DNMBP: variants seen among roughly 807,000 people sequenced by gnomAD.
The protein encoded by DNMBP is dynamin-binding protein.
In DNMBP, 87 loss-of-function variants were observed where a neutral mutation model predicts 150.0. The ratio of observed to expected loss-of-function variants is 0.58; its 90% CI spans 0.49 to 0.69. The LOEUF is 0.69. Among genes scored for constraint, DNMBP ranks in the 30% least tolerant of loss-of-function variants. DNMBP has a pLI of 0.00. For synonymous variants in DNMBP, 711 were observed against 750.4 expected (o/e 0.95, Z 0.86); for missense variants, 1,774 against 1,949.0 (o/e 0.91, Z 1.69).
At chr10:99,930,105 G>C in intron 4 of DNMBP, 3 of 702,900 alleles carry the variant, frequency 4.3e-6, no homozygotes, top group Non-Finnish European at 5.2e-6. Context: ...ATTCGAATCT[G>C]AAAAGCTCAC....
At chr10:99,886,268 T>A (rs770301205) in intron 13 of DNMBP, 32 bp downstream of exon 13, 4 of 1,561,632 alleles carry the variant, frequency 2.6e-6, no homozygotes, top group Non-Finnish European at 3.5e-6. Flanking sequence ...AGGCTATAGA[T>A]GACCATCCCA....
intron 1 of DNMBP, among the ~76,000 whole-genome samples, chr10:99,988,548 C>G (rs554308702): frequency 6.6e-6 from 1 of 152,282 alleles, no homozygotes; most frequent in South Asian, 2.1e-4. Context: ...TTCATACTAG[C>G]AACACTGAAA....
intron 3 of DNMBP, among the ~76,000 whole-genome samples, chr10:99,968,832 G>T (rs2040646513): frequency 6.6e-6 from 1 of 152,072 alleles, no homozygotes; most frequent in Non-Finnish European, 1.5e-5. Context: ...AACAGTCTTT[G>T]AATTTTGCTC....
At chr10:99,904,643 C>G (rs2039797586) in intron 6 of DNMBP, among the ~76,000 whole-genome samples, 1 of 152,174 alleles carries the variant, frequency 6.6e-6, no homozygotes, top group Admixed American at 6.5e-5. Context: ...CATCCCTCCT[C>G]TAAAAATTAG....
chr10:99,984,545 G>A (rs1349612286), intron 1 of DNMBP, among the ~76,000 whole-genome samples: 3 of 152,154 alleles, frequency 2.0e-5, no homozygotes, highest in Non-Finnish European at 2.9e-5. Flanking sequence ...GTAAAAACAC[G>A]CAGTTTTTAA....
intron 1 of DNMBP, among the ~76,000 whole-genome samples, chr10:99,987,144 G>C (rs1457268482): frequency 4.5e-5 from 6 of 132,474 alleles, no homozygotes; most frequent in Non-Finnish European, 9.4e-5. Context: ...GACAGAGCAA[G>C]ACTCCATCTC....
At chr10:99,942,636 G>A (rs1272962583) in intron 4 of DNMBP, among the ~76,000 whole-genome samples, 4 of 152,290 alleles carry the variant, frequency 2.6e-5, no homozygotes, top group Middle Eastern at 3.4e-3. Context: ...CTGAGAGTGC[G>A]AAAATGTTCA....
chr10:99,972,346 T>C (rs2040687675), intron 1 of DNMBP, among the ~76,000 whole-genome samples: 2 of 152,204 alleles, frequency 1.3e-5, no homozygotes, highest in South Asian at 2.1e-4. Flanking sequence ...CATGGCTCAC[T>C]GTAGCCTCGA....
intron 16 of DNMBP, among the ~76,000 whole-genome samples, chr10:99,878,711 G>A (rs535151700): frequency 4.6e-5 from 7 of 152,252 alleles, no homozygotes; most frequent in South Asian, 4.1e-4. Context: ...AGATGAGCTC[G>A]CAGACAAACC....
At chr10:99,945,444 T>G (rs1263843321) in intron 4 of DNMBP, among the ~76,000 whole-genome samples, 1 of 152,238 alleles carries the variant, frequency 6.6e-6, no homozygotes, top group Non-Finnish European at 1.5e-5. Flanking sequence ...GTAATACATG[T>G]GTTTAGAAGA....
At chr10:99,998,299 C>T (rs1191805335) in intron 1 of DNMBP, among the ~76,000 whole-genome samples, 1 of 150,708 alleles carries the variant, frequency 6.6e-6, no homozygotes, top group Admixed American at 6.6e-5. Flanking sequence ...CATTAACGGC[C>T]GGGCGCAGTG....
At chr10:100,003,719 CTTATAAAAATAT>C (rs1364320075) in intron 1 of DNMBP, among the ~76,000 whole-genome samples, 2 of 151,832 alleles carry the variant, frequency 1.3e-5, no homozygotes, top group Non-Finnish European at 2.9e-5. Flanking sequence ...CAACAAAAAA[CTTATAAAAATAT>C]TTAGCTGGGT....
chr10:99,878,271 G>A (rs1341455672), intron 16 of DNMBP, among the ~76,000 whole-genome samples: 1 of 152,204 alleles, frequency 6.6e-6, no homozygotes, highest in Non-Finnish European at 1.5e-5. Flanking sequence ...ATGATCTAAT[G>A]CCCATGGAAG....
chr10:100,006,727 A>C, intron 1 of DNMBP, among the ~76,000 whole-genome samples: 2 of 133,422 alleles, frequency 1.5e-5, no homozygotes, highest in East Asian at 2.2e-4. Flanking sequence ...TGACCTTGCC[A>C]CCCCTAACAT....
At chr10:99,944,407 C>G (rs763233830) in intron 4 of DNMBP, among the ~76,000 whole-genome samples, 2 of 152,152 alleles carry the variant, frequency 1.3e-5, no homozygotes, top group Non-Finnish European at 2.9e-5. Flanking sequence ...TAGTCCTGAT[C>G]AGAGCTTCTA....
chr10:99,884,446 A>T (rs1371325109), intron 14 of DNMBP, among the ~76,000 whole-genome samples: 1 of 152,212 alleles, frequency 6.6e-6, no homozygotes, highest in Non-Finnish European at 1.5e-5. Context: ...ACCTATTCTT[A>T]CATTTGTTTT....
intron 3 of DNMBP, among the ~76,000 whole-genome samples, chr10:99,966,290 C>T (rs1244777060): frequency 6.6e-6 from 1 of 152,222 alleles, no homozygotes; most frequent in Non-Finnish European, 1.5e-5. Flanking sequence ...TAGTACATCT[C>T]ATTCTAGTCT....
Position 99,876,546 on chromosome 10 carries a change from C to G in DNMBP, c.*605G>C, listed in dbSNP as rs1396134921. 2 of 152,172 alleles carry G rather than the reference C, an allele frequency of 1.3e-5. No individual in the cohort carries two copies. Among genetic ancestry groups the G allele is most frequent in the African/African-American group, 4.8e-5 (2 of 41,442 alleles). 9.4% of individuals were successfully genotyped at this position (152,172 alleles called of 1,614,324 possible). On this transcript the variant is annotated 3_prime_UTR_variant, in exon 17 of 17. Coordinates refer to ENST00000324109, the MANE Select transcript of DNMBP (RefSeq NM_015221.4). ...TAATCTGGGAATGGAGTAAAAGAAA[C>G]AAGGTTACAGAATGTAGTGCTTTAG...
intron 1 of DNMBP, among the ~76,000 whole-genome samples, chr10:100,005,940 A>G (rs565423538): frequency 6.0e-4 from 91 of 152,342 alleles, no homozygotes; most frequent in South Asian, 1.4e-3. Context: ...TGAATGGGAC[A>G]AGGGAATTCT....
Sources: gnomAD v4.1 joint callset for allele counts (sites outside exome capture counted in the v4.1 genomes callset) on GRCh38, gnomAD v4.1.1 for gene constraint, MANE v1.5 for transcripts, NCBI Gene and HGNC (gene_info 2026-07-23, HGNC 2026-07-21) for gene names.